Variants in XRN1 observed in about 807,000 individuals in gnomAD.
XRN1 encodes strand-exchange protein 1 homolog.
A neutral mutation model predicts 222.3 loss-of-function variants in XRN1; 67 were observed. The observed-to-expected ratio is 0.30, with a 90% CI of 0.25 to 0.37. The LOEUF (loss-of-function observed/expected upper bound fraction) is 0.37. Ranked by LOEUF, XRN1 falls within the 10% of genes least tolerant of loss-of-function variation. XRN1 has a pLI of 1.00. For synonymous variants in XRN1, 643 were observed against 652.4 expected (o/e 0.99, Z 0.22); for missense variants, 1,707 against 2,000.2 (o/e 0.85, Z 2.80).
chr3:142,442,721 C>T (rs1053913242), intron 1 of XRN1, among the ~76,000 whole-genome samples: 3 of 152,018 alleles, frequency 2.0e-5, no homozygotes, highest in African/African-American at 7.3e-5. Context: ...ACATTTCAAT[C>T]CCTGTATCTT....
At chr3:142,329,831 T>C (rs952319093) in intron 36 of XRN1, among the ~76,000 whole-genome samples, 4 of 152,184 alleles carry the variant, frequency 2.6e-5, no homozygotes, top group Non-Finnish European at 5.9e-5. Context: ...TCCAAGTGAC[T>C]GTCAGCTTAC....
chr3:142,357,158 A>G (rs1231356589), intron 30 of XRN1, 39 bp from the exon 31 acceptor site: 2 of 1,546,536 alleles, frequency 1.3e-6, no homozygotes, highest in East Asian at 4.7e-5. Flanking sequence ...AAGGAAAACA[A>G]TACTAAATGT....
chr3:142,381,971 T>C (rs1220595126), intron 22 of XRN1, among the ~76,000 whole-genome samples: 1 of 152,228 alleles, frequency 6.6e-6, no homozygotes, highest in Non-Finnish European at 1.5e-5. Context: ...GTTTGTTTGA[T>C]GCTTCCACAT....
Position 142,365,301 on chromosome 3 carries a change from G to A in XRN1, c.3261+9C>T. The A allele has an allele frequency of 6.3e-7, 1 of 1,592,016 alleles. No individual in the cohort carries two copies. The highest frequency in any genetic ancestry group is 1.2e-5 in the South Asian group (1 of 84,520). On this transcript the variant is annotated intron_variant, in intron 28 of 40. Transcript: ENST00000392981. ...GCAACAACTCTGAATTCTTTGATAG[G>A]AAACTTACTCTGTATAGCAAATGGG...
chr3:142,426,470 A>G (rs1473141051), intron 3 of XRN1: 4 of 337,874 alleles, frequency 1.2e-5, no homozygotes, highest in East Asian at 5.8e-5. Context: ...ATATATAAAC[A>G]TAAGTTTCTT....
intron 39 of XRN1, among the ~76,000 whole-genome samples, chr3:142,317,464 C>T (rs2065242009): frequency 6.6e-6 from 1 of 152,136 alleles, no homozygotes; most frequent in Non-Finnish European, 1.5e-5. Context: ...AATTTCCTAT[C>T]TGGGGAGAAG....
rs1366053262 is a variant in XRN1 at position 142,351,524 on chromosome 3, G to C, written c.3768+3877C>G. Among the ~76,000 whole-genome samples the C allele has an allele frequency of 2.6e-5, 4 of 152,244 alleles. No homozygotes were observed. The East Asian group carries it at 5.8e-4, about 22-fold the overall frequency. Reference sequence around the variant, plus strand: ...GATTAGGGTGGGTTTAAGAGAGAAGGGGGGAGAGAGGTGCCAGTATAGACA... The same window carrying C: ...GATTAGGGTGGGTTTAAGAGAGAAGCGGGGAGAGAGGTGCCAGTATAGACA... On this transcript the variant is annotated intron_variant, in intron 32 of 40. Coordinates refer to ENST00000392981, the MANE Select transcript of XRN1 (RefSeq NM_001282857.2).
intron 39 of XRN1, among the ~76,000 whole-genome samples, chr3:142,314,897 T>A (rs1321956821): frequency 1.0e-5 from 1 of 96,936 alleles, no homozygotes; most frequent in Non-Finnish European, 1.9e-5. Context: ...AGAGTGGGAC[T>A]CTGTCTCAAA....
At chr3:142,353,095 T>C (rs973054021) in intron 32 of XRN1, among the ~76,000 whole-genome samples, 1 of 152,236 alleles carries the variant, frequency 6.6e-6, no homozygotes, top group African/African-American at 2.4e-5. Context: ...GGAATACATA[T>C]TTGTTCATTC....
chr3:142,432,921 T>A, intron 1 of XRN1, 28 bp from the exon 2 acceptor site: 2 of 1,533,226 alleles, frequency 1.3e-6, no homozygotes, highest in Non-Finnish European at 1.8e-6. Flanking sequence ...ATGCTTGAGA[T>A]CATTTATTTT....
intron 33 of XRN1, among the ~76,000 whole-genome samples, chr3:142,345,018 A>G (rs1030813913): frequency 6.6e-6 from 1 of 152,246 alleles, no homozygotes; most frequent in Non-Finnish European, 1.5e-5. Flanking sequence ...ACAGTAATCA[A>G]GACTGTGTAT....
In XRN1 at chr3:142,435,580, T is replaced by C. The variant is rs557376726; in HGVS notation, c.76-2687A>G. Among the ~76,000 whole-genome samples the C allele has an allele frequency of 3.4e-5, 5 of 149,086 alleles. No individual in the cohort carries two copies. In the East Asian group the frequency reaches 8.0e-4, roughly 24 times the overall value. On this transcript the variant is annotated intron_variant, in intron 1 of 40. Transcript: ENST00000392981. ...TTCAAGATCAGCCTGGCCAACAAAGTGAAACCATCTCTACCAAAAATACAA... is the reference window on the plus strand; with the variant it reads ...TTCAAGATCAGCCTGGCCAACAAAGCGAAACCATCTCTACCAAAAATACAA...
In XRN1 at chr3:142,418,854, C is replaced by T. The variant is rs750397964; in HGVS notation, c.1201G>A (p.Ala401Thr). ...ATTTCGCCTTCATTTTTGTCTAAAGCAGTCCAACACAGAGAATTTTCCTGG... is the reference window on the plus strand; with the variant it reads ...ATTTCGCCTTCATTTTTGTCTAAAGTAGTCCAACACAGAGAATTTTCCTGG... Reference protein sequence around the residue: ...KGQENSLCWTALDKNEGEMIT... With the variant: ...KGQENSLCWTTLDKNEGEMIT... Residue 401 changes from alanine (A) to threonine (T), a missense_variant, in exon 11 of 41, where the codon GCT (alanine) becomes ACT (threonine). By Grantham distance (58) the Ala-to-Thr change is moderately conservative. Transcript: ENST00000392981. The T allele has an allele frequency of 1.2e-6, 2 of 1,613,970 alleles. No homozygotes were observed. The highest frequency in any genetic ancestry group is 1.7e-6 in the Non-Finnish European group (2 of 1,179,928).
intron 33 of XRN1, among the ~76,000 whole-genome samples, chr3:142,336,689 C>G (rs944679344): frequency 6.6e-6 from 1 of 151,912 alleles, no homozygotes; most frequent in Non-Finnish European, 1.5e-5. Context: ...AGAAAGTAAT[C>G]TTACAAAACA....
intron 2 of XRN1, among the ~76,000 whole-genome samples, chr3:142,429,144 C>CA (rs2069399929): frequency 8.3e-6 from 1 of 120,076 alleles, no homozygotes; most frequent in Non-Finnish European, 1.7e-5. Context: ...TAGCCATAAT[C>CA]TTTTTTTTTT....
intron 23 of XRN1, among the ~76,000 whole-genome samples, chr3:142,378,584 C>T (rs2067210034): frequency 1.3e-5 from 2 of 151,684 alleles, no homozygotes; most frequent in South Asian, 4.2e-4. Context: ...CAAAGTAGAA[C>T]AGAAGTATAA....
intron 8 of XRN1, among the ~76,000 whole-genome samples, chr3:142,422,352 G>C (rs1268645183): frequency 6.6e-6 from 1 of 152,014 alleles, no homozygotes; most frequent in Non-Finnish European, 1.5e-5. Context: ...TAAAAAAAAG[G>C]CAAAGATTAG....
At chr3:142,358,346 CTTG>C (rs1426713281) in intron 30 of XRN1, among the ~76,000 whole-genome samples, 1 of 152,112 alleles carries the variant, frequency 6.6e-6, no homozygotes, top group Non-Finnish European at 1.5e-5. Context: ...GAATCCTTCT[CTTG>C]TTAAGTTTTC....
chr3:142,443,626 A>G (rs1390057181), intron 1 of XRN1, among the ~76,000 whole-genome samples: 1 of 152,238 alleles, frequency 6.6e-6, no homozygotes, highest in African/African-American at 2.4e-5. Context: ...TTTTCACTCT[A>G]TGTCACTCTA....
Sources: gnomAD v4.1 joint callset for allele counts (sites outside exome capture counted in the v4.1 genomes callset) on GRCh38, gnomAD v4.1.1 for gene constraint, MANE v1.5 for transcripts, NCBI Gene and HGNC (gene_info 2026-07-23, HGNC 2026-07-21) for gene names.